Variants in FGF13 observed in about 807,000 individuals in gnomAD.
The protein encoded by FGF13 is fibroblast growth factor 13.
FGF13 carries 2 observed loss-of-function variants against 19.5 expected under a neutral mutation model. The ratio of observed to expected loss-of-function variants is 0.10; its 90% CI spans 0.04 to 0.32. FGF13 has a LOEUF of 0.32. Among genes scored for constraint, FGF13 ranks in the 10% least tolerant of loss-of-function variants. The pLI, the probability that FGF13 is intolerant of heterozygous loss-of-function variation, is 1.00. For synonymous variants in FGF13, 72 were observed against 76.9 expected, an observed-to-expected ratio of 0.94 and a Z score of 0.33; for missense variants, 113 against 192.7, an observed-to-expected ratio of 0.59 and a Z score of 2.45.
intron 2 of FGF13, among the ~76,000 whole-genome samples, chrX:138,706,923 A>T (rs1420984239): frequency 1.8e-5 from 2 of 112,350 alleles, no homozygotes; most frequent in African/African-American, 6.5e-5. Flanking sequence ...TCAGGTTATG[A>T]CAATACTTAC....
At chrX:138,731,774 T>A (rs1569377506) in intron 1 of FGF13, among the ~76,000 whole-genome samples, 1 of 109,729 alleles carries the variant, frequency 9.1e-6, no homozygotes, top group Non-Finnish European at 1.9e-5. Context: ...TTTAAACCGC[T>A]AGCAAGATAG....
intron 3 of FGF13, among the ~76,000 whole-genome samples, chrX:138,682,505 C>T (rs1046654981): frequency 1.4e-4 from 16 of 112,319 alleles, no homozygotes; most frequent in Non-Finnish European, 3.0e-4. Context: ...TTGCCCCCTA[C>T]AGTGCAGTCT....
At chrX:138,932,151 C>T (rs1447469397) in intron 1 of FGF13, among the ~76,000 whole-genome samples, 1 of 111,844 alleles carries the variant, frequency 8.9e-6, no homozygotes, top group Non-Finnish European at 1.9e-5. Context: ...CTCCCAGCAA[C>T]GTCCTTAAAA....
At chrX:138,668,023 T>C (rs1300784172) in intron 3 of FGF13, among the ~76,000 whole-genome samples, 1 of 111,527 alleles carries the variant, frequency 9.0e-6, no homozygotes, top group Non-Finnish European at 1.9e-5. Flanking sequence ...ATTTAATATA[T>C]GATAGGATTT....
intron 1 of FGF13, among the ~76,000 whole-genome samples, chrX:139,082,049 G>A (rs2083374263): frequency 9.0e-6 from 1 of 111,064 alleles, no homozygotes; most frequent in Admixed American, 9.6e-5. Flanking sequence ...GATCTTTAAG[G>A]TCCTGTATGA....
At chrX:138,836,488 AGCT>A (rs1208012182) in intron 3 of FGF13, among the ~76,000 whole-genome samples, 1 of 112,032 alleles carries the variant, frequency 8.9e-6, no homozygotes, top group Non-Finnish European at 1.9e-5. Flanking sequence ...GGCAATCAAT[AGCT>A]GTGACTGCAT....
At chrX:138,702,191 AAATAAATT>A (rs2089953085) in intron 3 of FGF13, among the ~76,000 whole-genome samples, 1 of 110,228 alleles carries the variant, frequency 9.1e-6, no homozygotes, top group African/African-American at 3.3e-5. Flanking sequence ...ATAAATAAAT[AAATAAATT>A]AATTAATTAA....
At chrX:139,181,257 AG>A (rs1347745079) in intron 1 of FGF13, among the ~76,000 whole-genome samples, 1 of 112,182 alleles carries the variant, frequency 8.9e-6, no homozygotes, top group Non-Finnish European at 1.9e-5. Context: ...ACCTCACAAA[AG>A]GGGTAACACA....
At chrX:139,046,082 T>A (rs762976169) in intron 1 of FGF13, among the ~76,000 whole-genome samples, 12 of 111,766 alleles carry the variant, frequency 1.1e-4, no homozygotes, top group Non-Finnish European at 2.3e-4. Flanking sequence ...ACAGGCTTAA[T>A]TGGCTCATGG....
At chrX:138,636,121 T>C (rs1478073476) in intron 3 of FGF13, among the ~76,000 whole-genome samples, 2 of 112,287 alleles carry the variant, frequency 1.8e-5, no homozygotes, top group African/African-American at 6.5e-5. Flanking sequence ...AAATCTGTGT[T>C]ACAATGCTTT....
At chrX:138,715,295 T>A (rs2090091264), upstream of FGF13, among the ~76,000 whole-genome samples, 1 of 112,287 alleles carries the variant, frequency 8.9e-6, no homozygotes. Flanking sequence ...TGACCTTGAG[T>A]ATGTCATTTC....
Position 139,075,758 on chromosome X carries a change from A to G in FGF13, c.-113+127658T>C, listed in dbSNP as rs148331414. Among the ~76,000 whole-genome samples, 313 of 111,455 alleles carry G rather than the reference A, an allele frequency of 2.8e-3. 2 individuals are homozygous for G. The highest frequency in any genetic ancestry group is 4.8e-3 in the Admixed American group (51 of 10,530). On this transcript the variant is annotated intron_variant, in intron 1 of 2. Transcript: ENST00000421460. ...GGTATTTTAATTTTTAAACCTGTATATTATCTGTACATTAATTTGTCCATA... is the reference window on the plus strand; with the variant it reads ...GGTATTTTAATTTTTAAACCTGTATGTTATCTGTACATTAATTTGTCCATA...
intron 3 of FGF13, among the ~76,000 whole-genome samples, chrX:138,828,428 G>A (rs2091048749): frequency 9.1e-6 from 1 of 110,235 alleles, no homozygotes; most frequent in Admixed American, 9.6e-5. Flanking sequence ...AAATTAGCCG[G>A]GCGTGGTGGC....
intron 3 of FGF13, among the ~76,000 whole-genome samples, chrX:138,687,462 A>G (rs1271998208): frequency 1.8e-5 from 2 of 112,083 alleles, no homozygotes; most frequent in Non-Finnish European, 3.8e-5. Flanking sequence ...TAGCATCTCA[A>G]CTCTGTTAAA....
At chrX:138,824,705 G>C (rs1473427538) in intron 3 of FGF13, among the ~76,000 whole-genome samples, 1 of 111,292 alleles carries the variant, frequency 9.0e-6, no homozygotes, top group Admixed American at 9.6e-5. Context: ...TTCCTTCTAA[G>C]TATATTCAAA....
chrX:138,627,831 T>C lies in FGF13; in HGVS notation c.*5019A>G, dbSNP rs1238979141. ...CAACTGTTACAAACTTCTTCCAGTA[T>C]GCCCACATAGAAATTGGAAAATCCC... On this transcript the variant is annotated 3_prime_UTR_variant, in exon 5 of 5. Transcript: ENST00000315930. 9.0e-6 allele frequency: 1 copy of C among 110,980 alleles called. No homozygotes were observed. The highest frequency in any genetic ancestry group is 2.8e-4 in the East Asian group (1 of 3,559). The allele number at this position is 110,980 out of a possible 1,213,427, so 9.1% of individuals were successfully genotyped here.
intron 1 of FGF13, among the ~76,000 whole-genome samples, chrX:138,995,568 T>C (rs1417880828): frequency 8.9e-6 from 1 of 112,484 alleles, no homozygotes; most frequent in Non-Finnish European, 1.9e-5. Context: ...AGTGTTTGGT[T>C]TTCTGTTCCT....
At chrX:138,777,497 G>T (rs2090596841) in intron 3 of FGF13, among the ~76,000 whole-genome samples, 1 of 111,710 alleles carries the variant, frequency 9.0e-6, no homozygotes, top group South Asian at 3.8e-4. Flanking sequence ...AAGGACCCAA[G>T]AATCCCTTCT....
intron 1 of FGF13, among the ~76,000 whole-genome samples, chrX:138,961,925 T>C (rs1262176566): frequency 1.8e-5 from 2 of 111,627 alleles, no homozygotes; most frequent in African/African-American, 6.5e-5. Context: ...ATTCAGGACA[T>C]AGGCATGGGC....
Sources: allele counts gnomAD v4.1 joint callset (sites outside exome capture counted in the v4.1 genomes callset), GRCh38; gene constraint gnomAD v4.1.1; transcripts MANE v1.5; gene names NCBI Gene and HGNC (gene_info 2026-07-23, HGNC 2026-07-21).